SMIM13: variants seen among roughly 807,000 people sequenced by gnomAD.
SMIM13 encodes the protein small integral membrane protein 13, also known as UPF0766 protein C6orf228.
A neutral mutation model predicts 5.9 loss-of-function variants in SMIM13; 3 were observed. That is an observed-to-expected ratio of 0.51 (90% CI 0.23 to 1.31). The LOEUF is 1.31. Ranked by LOEUF, SMIM13 falls within the 40% of genes most tolerant of loss-of-function variation. The pLI is 0.18. For synonymous variants in SMIM13, 55 were observed against 46.0 expected (o/e 1.19, Z -0.79); for missense variants, 85 against 109.9 (o/e 0.77, Z 1.01).
At chr6:11,106,881 G>A (rs1182087553) in intron 1 of SMIM13, among the ~76,000 whole-genome samples, 2 of 152,192 alleles carry the variant, frequency 1.3e-5, no homozygotes, top group Non-Finnish European at 2.9e-5. Flanking sequence ...GAGCTGTTAG[G>A]TACACCCTCT....
intron 1 of SMIM13, among the ~76,000 whole-genome samples, chr6:11,109,271 C>T (rs957868495): frequency 6.6e-6 from 1 of 152,214 alleles, no homozygotes; most frequent in African/African-American, 2.4e-5. Flanking sequence ...CCTCCATAAA[C>T]TTCCCTAGTT....
intron 1 of SMIM13, among the ~76,000 whole-genome samples, chr6:11,121,360 A>G (rs1234006164): frequency 6.6e-6 from 1 of 152,186 alleles, no homozygotes; most frequent in Non-Finnish European, 1.5e-5. Flanking sequence ...GAATTGTATA[A>G]GCTATACTTC....
intron 1 of SMIM13, among the ~76,000 whole-genome samples, chr6:11,101,168 T>C (rs1034989409): frequency 1.3e-5 from 2 of 152,118 alleles, no homozygotes; most frequent in Admixed American, 6.5e-5. Flanking sequence ...TTTGGGGCTT[T>C]ATCTTCTGTC....
intron 1 of SMIM13, among the ~76,000 whole-genome samples, chr6:11,106,553 G>T (rs1044103374): frequency 7.2e-5 from 11 of 152,168 alleles, no homozygotes; most frequent in African/African-American, 2.7e-4. Context: ...TAGGCTTTAG[G>T]TAGACGGAGA....
Position 11,109,522 on chromosome 6 carries a change from A to G in SMIM13, c.76+15133A>G, listed in dbSNP as rs77404856. On this transcript the variant is annotated intron_variant, in intron 1 of 1. Transcript: ENST00000416247. ...TTCTGAACCAATGGGAAGGGGCTGCATGACTATGGCCATGGATCTGTTTTA... is the reference window on the plus strand; with the variant it reads ...TTCTGAACCAATGGGAAGGGGCTGCGTGACTATGGCCATGGATCTGTTTTA... Among the ~76,000 whole-genome samples the G allele has an allele frequency of 5.9e-3, 896 of 152,302 alleles. 3 individuals carry two copies. Among genetic ancestry groups the G allele is most frequent in the South Asian group, 0.024 (116 of 4,822 alleles).
chr6:11,104,597 A>T, intron 1 of SMIM13: 1 of 1,614,076 alleles, frequency 6.2e-7, no homozygotes. Context: ...TATTTTCCCA[A>T]AAAAGAGAAT....
At chr6:11,117,339 AT>A (rs34219527) in intron 1 of SMIM13, among the ~76,000 whole-genome samples, 71,577 of 132,882 alleles carry the variant, frequency 0.54, 18,715 homozygotes, top group African/African-American at 0.58. Flanking sequence ...AATTTTTTGT[AT>A]TTTTTTTTTT....
intron 1 of SMIM13, among the ~76,000 whole-genome samples, chr6:11,113,978 T>TG (rs1758203251): frequency 6.7e-6 from 1 of 149,446 alleles, no homozygotes; most frequent in African/African-American, 2.5e-5. Flanking sequence ...TTCTTTTTGT[T>TG]TTTTTTTTTT....
At chr6:11,128,677 G>A (rs1162369650) in intron 1 of SMIM13, among the ~76,000 whole-genome samples, 2 of 152,236 alleles carry the variant, frequency 1.3e-5, no homozygotes, top group East Asian at 3.9e-4. Context: ...GCCCATGGTG[G>A]TAGGGCTTGC....
chr6:11,120,327 A>G (rs139286071), intron 1 of SMIM13, among the ~76,000 whole-genome samples: 39 of 152,322 alleles, frequency 2.6e-4, no homozygotes, highest in African/African-American at 8.9e-4. Context: ...TCATGGTTCT[A>G]GAGGGCTGGG....
chr6:11,125,516 A>G (rs1056474147), intron 1 of SMIM13, among the ~76,000 whole-genome samples: 1 of 152,146 alleles, frequency 6.6e-6, no homozygotes, highest in Non-Finnish European at 1.5e-5. Flanking sequence ...GAATTGCTTG[A>G]ACCTGGGAAG....
chr6:11,101,659 T>C (rs1757993182), intron 1 of SMIM13, among the ~76,000 whole-genome samples: 1 of 152,126 alleles, frequency 6.6e-6, no homozygotes, highest in Non-Finnish European at 1.5e-5. Context: ...TTGATTCCTC[T>C]GTAGGGTGTC....
intron 1 of SMIM13, chr6:11,103,150 G>A (rs1182135600): frequency 1.3e-5 from 2 of 152,684 alleles, no homozygotes; most frequent in Non-Finnish European, 2.9e-5. Context: ...TCCCTTACCA[G>A]TCAAGCCTTC....
chr6:11,123,965 G>A (rs2113663272), intron 1 of SMIM13, among the ~76,000 whole-genome samples: 1 of 152,116 alleles, frequency 6.6e-6, no homozygotes, highest in East Asian at 1.9e-4. Context: ...CAGGATAAAT[G>A]GGGTATTCAC....
chr6:11,113,023 G>T (rs1395387142), intron 1 of SMIM13, among the ~76,000 whole-genome samples: 1 of 151,754 alleles, frequency 6.6e-6, no homozygotes, highest in East Asian at 1.9e-4. Context: ...TAGAGACGGG[G>T]TTTCACCATG....
intron 1 of SMIM13, among the ~76,000 whole-genome samples, chr6:11,099,237 C>T (rs978853535): frequency 1.3e-5 from 2 of 151,988 alleles, no homozygotes; most frequent in African/African-American, 2.4e-5. Flanking sequence ...TACATTGGCG[C>T]GATCTCGGCT....
At position 11,114,592 on chromosome 6, in the gene SMIM13, C is replaced by CTTTTT. The variant is rs58585640; in HGVS notation, c.77-19791_77-19787dup. On this transcript the variant is annotated intron_variant, in intron 1 of 1. Transcript: ENST00000416247. Reference sequence around the variant, plus strand: ...ATTGAGATGGTCATGCACTTTTTCTCTTTTTTTTTTTTTTTTTTTTTTTTG... The same window carrying CTTTTT: ...ATTGAGATGGTCATGCACTTTTTCTCTTTTTTTTTTTTTTTTTTTTTTTTTTTTTG... 1.6e-3 allele frequency among the ~76,000 whole-genome samples: 35 copies of CTTTTT among 21,848 alleles called. 3 individuals carry two copies. Among genetic ancestry groups the CTTTTT allele is most frequent in the African/African-American group, 3.3e-3 (16 of 4,800 alleles). 14.3% of individuals were successfully genotyped at this position (21,848 alleles called of 152,430 possible).
At chr6:11,115,190 A>G (rs1477313855) in intron 1 of SMIM13, among the ~76,000 whole-genome samples, 1 of 152,190 alleles carries the variant, frequency 6.6e-6, no homozygotes, top group African/African-American at 2.4e-5. Context: ...TTTACATACA[A>G]TTGCTATATT....
intron 1 of SMIM13, among the ~76,000 whole-genome samples, chr6:11,131,218 C>T (rs962775892): frequency 2.0e-5 from 3 of 152,086 alleles, no homozygotes; most frequent in African/African-American, 7.2e-5. Flanking sequence ...AAATATAAGT[C>T]TACAGACTAT....
Sources: allele counts gnomAD v4.1 joint callset (sites outside exome capture counted in the v4.1 genomes callset), GRCh38; gene constraint gnomAD v4.1.1; transcripts MANE v1.5; gene names NCBI Gene and HGNC (gene_info 2026-07-23, HGNC 2026-07-21).